Variants in ANGPT1 observed in about 807,000 individuals in gnomAD.
ANGPT1 encodes the protein angiopoietin 1, also known as angiopoietin-1.
Under a neutral mutation model 62.2 loss-of-function variants are expected in ANGPT1, and 17 were observed. That is an observed-to-expected ratio of 0.27 (90% CI 0.19 to 0.41). ANGPT1 has a LOEUF of 0.41. Ranked by LOEUF, ANGPT1 falls within the 10% of genes least tolerant of loss-of-function variation. ANGPT1 has a pLI of 1.00. For missense variants in ANGPT1, 478 were observed against 594.9 expected (o/e 0.80, Z 2.04); for synonymous variants, 199 against 198.9 (o/e 1.00, Z 0.00).
chr8:107,397,225 GTATT>G (rs1297669429), intron 1 of ANGPT1, among the ~76,000 whole-genome samples: 1 of 152,088 alleles, frequency 6.6e-6, no homozygotes, highest in Non-Finnish European at 1.5e-5. Context: ...ATGCATATAT[GTATT>G]TATTTGTTTC....
intron 1 of ANGPT1, among the ~76,000 whole-genome samples, chr8:107,467,330 A>G (rs1360319021): frequency 6.6e-6 from 1 of 151,744 alleles, no homozygotes; most frequent in African/African-American, 2.4e-5. Flanking sequence ...ATATATATAT[A>G]TATAAACTGT....
At chr8:107,323,155 T>C (rs774977085) in intron 3 of ANGPT1, among the ~76,000 whole-genome samples, 4 of 152,212 alleles carry the variant, frequency 2.6e-5, no homozygotes, top group African/African-American at 4.8e-5. Context: ...ATTCCCCTTG[T>C]ATATTGCACA....
At chr8:107,482,177 G>A (rs928104370) in intron 1 of ANGPT1, among the ~76,000 whole-genome samples, 1 of 151,932 alleles carries the variant, frequency 6.6e-6, no homozygotes, top group Non-Finnish European at 1.5e-5. Context: ...TGAATTTTTT[G>A]AAGTTCCGTC....
intron 6 of ANGPT1, among the ~76,000 whole-genome samples, chr8:107,287,650 CT>C (rs1416712710): frequency 6.6e-6 from 1 of 152,136 alleles, no homozygotes; most frequent in Admixed American, 6.6e-5. Flanking sequence ...AGTAAACTGT[CT>C]TTTGGATAGT....
chr8:107,444,198 T>C (rs1250078642), intron 1 of ANGPT1, among the ~76,000 whole-genome samples: 2 of 152,214 alleles, frequency 1.3e-5, no homozygotes, highest in Non-Finnish European at 1.5e-5. Flanking sequence ...TATTAAGTGT[T>C]GAGCAAGATA....
intron 1 of ANGPT1, among the ~76,000 whole-genome samples, chr8:107,444,446 T>C (rs926386889): frequency 6.6e-6 from 1 of 152,222 alleles, no homozygotes; most frequent in East Asian, 1.9e-4. Flanking sequence ...AGAATGTGGC[T>C]GAACATGCAA....
chr8:107,314,077 T>A (rs1169363207), intron 4 of ANGPT1, among the ~76,000 whole-genome samples: 1 of 152,222 alleles, frequency 6.6e-6, no homozygotes, highest in Non-Finnish European at 1.5e-5. Flanking sequence ...TTAGAAAATA[T>A]CTGTTGAATT....
chr8:107,308,247 T>C (rs897138130), intron 4 of ANGPT1, among the ~76,000 whole-genome samples: 1 of 152,160 alleles, frequency 6.6e-6, no homozygotes, highest in African/African-American at 2.4e-5. Context: ...ACTTTTATGA[T>C]AGGACAAAAC....
chr8:107,293,790 TG>T, intron 6 of ANGPT1, 145 bp downstream of exon 6: 1 of 590,906 alleles, frequency 1.7e-6, no homozygotes, highest in Non-Finnish European at 2.9e-6. Context: ...ATGAGTGTTT[TG>T]TGTCTAATGA....
intron 6 of ANGPT1, among the ~76,000 whole-genome samples, chr8:107,289,494 C>A (rs1359656864): frequency 6.6e-6 from 1 of 152,012 alleles, no homozygotes; most frequent in Non-Finnish European, 1.5e-5. Flanking sequence ...AAATAAAAAA[C>A]AGATAAGACA....
chr8:107,426,417 A>C (rs571519991), intron 1 of ANGPT1, among the ~76,000 whole-genome samples: 1 of 152,344 alleles, frequency 6.6e-6, no homozygotes, highest in African/African-American at 2.4e-5. Flanking sequence ...ATTTGCACTA[A>C]GTTACAGTGT....
rs1178981620 is a variant in ANGPT1, at chr8:107,303,333, T to G, written c.843A>C (p.Lys281Asn). ...LLKGGKREEE[K>N]PFRDCADVYQ... ...ATACATCTGCACAGTCTCTAAATGGTTTCTCTTCCTCTCTTTTTCCTCCCT... is the reference window on the plus strand; with the variant it reads ...ATACATCTGCACAGTCTCTAAATGGGTTCTCTTCCTCTCTTTTTCCTCCCT... Residue 281 changes from lysine (K) to asparagine (N), a missense_variant, in exon 5 of 9, where the codon AAA becomes AAC. By Grantham distance (94) the Lys-to-Asn change is moderately conservative. Coordinates refer to ENST00000517746, the MANE Select transcript of ANGPT1 (RefSeq NM_001146.5). 3 of 1,605,294 alleles carry G rather than the reference T, an allele frequency of 1.9e-6. No homozygotes were observed. Among genetic ancestry groups the G allele is most frequent in the Non-Finnish European group, 1.7e-6 (2 of 1,175,316 alleles).
chr8:107,403,236 CAAG>C (rs1394762981), intron 1 of ANGPT1, among the ~76,000 whole-genome samples: 1 of 152,094 alleles, frequency 6.6e-6, no homozygotes, highest in Non-Finnish European at 1.5e-5. Flanking sequence ...TACACAAAGA[CAAG>C]AAGAAGGGCA....
At chr8:107,358,137 A>G (rs1249587976) in intron 1 of ANGPT1, among the ~76,000 whole-genome samples, 5 of 152,190 alleles carry the variant, frequency 3.3e-5, no homozygotes, top group African/African-American at 1.2e-4. Flanking sequence ...AGATTACTCA[A>G]TGGAACATAT....
intron 1 of ANGPT1, among the ~76,000 whole-genome samples, chr8:107,352,237 T>C (rs1034550933): frequency 1.3e-5 from 2 of 152,198 alleles, no homozygotes; most frequent in African/African-American, 2.4e-5. Context: ...AGATTGACCA[T>C]TTTTTAATTT....
chr8:107,427,737 A>G (rs763382844), intron 1 of ANGPT1, among the ~76,000 whole-genome samples: 6 of 152,234 alleles, frequency 3.9e-5, no homozygotes, highest in Non-Finnish European at 8.8e-5. Context: ...GTCTCTCAGT[A>G]TAGTCCCCAG....
chr8:107,403,405 GA>G (rs2130336948), intron 1 of ANGPT1, among the ~76,000 whole-genome samples: 1 of 152,220 alleles, frequency 6.6e-6, no homozygotes, highest in Admixed American at 6.5e-5. Flanking sequence ...TCTATTATGG[GA>G]GGCAAGATTT....
intron 1 of ANGPT1, among the ~76,000 whole-genome samples, chr8:107,351,444 T>C (rs2130173679): frequency 6.6e-6 from 1 of 152,204 alleles, no homozygotes; most frequent in South Asian, 2.1e-4. Context: ...CTTCTGATGT[T>C]CTACTAGCCT....
chr8:107,434,231 T>G (rs1811277217), intron 1 of ANGPT1, among the ~76,000 whole-genome samples: 1 of 152,156 alleles, frequency 6.6e-6, no homozygotes. Context: ...TGTGATATGC[T>G]TGGCAAGTCT....
Sources: gnomAD v4.1 joint callset for allele counts (sites outside exome capture counted in the v4.1 genomes callset) on GRCh38, gnomAD v4.1.1 for gene constraint, MANE v1.5 for transcripts, NCBI Gene and HGNC (gene_info 2026-07-23, HGNC 2026-07-21) for gene names.